PDE1C: variants seen among roughly 807,000 people sequenced by gnomAD.
PDE1C encodes dual specificity calcium/calmodulin-dependent 3',5'-cyclic nucleotide phosphodiesterase 1C.
In PDE1C, 62 loss-of-function variants were observed where a neutral mutation model predicts 93.1. That is an observed-to-expected ratio of 0.67 (90% CI 0.54 to 0.82). The LOEUF is 0.82. Among genes scored for constraint, PDE1C ranks in the 40% least tolerant of loss-of-function variants. PDE1C has a pLI of 0.00. For missense variants in PDE1C, 742 were observed against 884.6 expected (o/e 0.84, Z 2.04); for synonymous variants, 325 against 310.1 (o/e 1.05, Z -0.50).
chr7:31,633,199 T>C, the PDE1C span, among the ~76,000 whole-genome samples: 5 of 152,118 alleles, frequency 3.3e-5, no homozygotes, highest in Non-Finnish European at 7.4e-5. Context: ...CTGGGGAGAT[T>C]TACGCTGAGG....
chr7:32,199,099 G>A (rs901452393), intron 2 of PDE1C, among the ~76,000 whole-genome samples: 2 of 151,646 alleles, frequency 1.3e-5, no homozygotes, highest in African/African-American at 2.4e-5. Context: ...CTCCAGCCTG[G>A]GTGACAAGAG....
chr7:32,298,522 C>G, intron 1 of PDE1C: 1 of 1,159,556 alleles, frequency 8.6e-7, no homozygotes, highest in Non-Finnish European at 1.2e-6. Flanking sequence ...GGGGCTCCCG[C>G]CCGGAGAGCA....
At chr7:32,009,170 T>C (rs6942761) in intron 2 of PDE1C, among the ~76,000 whole-genome samples, 36,663 of 152,126 alleles carry the variant, frequency 0.24, 4,606 homozygotes, top group Non-Finnish European at 0.28. Flanking sequence ...AAGGTTTGCA[T>C]TGGAGATATG....
chr7:32,318,553 A>T (rs215623), intron 1 of PDE1C, among the ~76,000 whole-genome samples: 115,498 of 151,640 alleles, frequency 0.76, 45,518 homozygotes, highest in Admixed American at 0.86. Context: ...GTGGCCAGGG[A>T]CCCAGAAGAA....
intron 1 of PDE1C, among the ~76,000 whole-genome samples, chr7:32,068,138 A>C (rs1179226805): frequency 6.6e-6 from 1 of 152,236 alleles, no homozygotes; most frequent in East Asian, 1.9e-4. Context: ...GTGTCATGGT[A>C]ATATATTGGT....
intron 1 of PDE1C, among the ~76,000 whole-genome samples, chr7:32,379,747 GATA>G (rs1206955259): frequency 6.6e-6 from 1 of 152,198 alleles, no homozygotes; most frequent in Non-Finnish European, 1.5e-5. Flanking sequence ...TCTGGTTTCT[GATA>G]ATAAGTTCAT....
At chr7:32,013,382 T>C (rs568992802) in intron 2 of PDE1C, among the ~76,000 whole-genome samples, 1 of 152,344 alleles carries the variant, frequency 6.6e-6, no homozygotes, top group Admixed American at 6.5e-5. Flanking sequence ...CCATTTTTAC[T>C]TTCTGCAGAA....
intron 1 of PDE1C, among the ~76,000 whole-genome samples, chr7:32,064,225 A>G (rs974550631): frequency 6.6e-6 from 1 of 152,172 alleles, no homozygotes. Flanking sequence ...AGGTCTCTCC[A>G]TGGCTCCATA....
At chr7:32,034,102 A>AAGTGT (rs1790715589) in intron 2 of PDE1C, among the ~76,000 whole-genome samples, 2 of 144,532 alleles carry the variant, frequency 1.4e-5, no homozygotes, top group Middle Eastern at 3.2e-3. Flanking sequence ...GCATAATGTA[A>AAGTGT]AGTGTATTTT....
chr7:31,706,654 A>T, the PDE1C span, among the ~76,000 whole-genome samples: 2 of 152,160 alleles, frequency 1.3e-5, no homozygotes, highest in Non-Finnish European at 2.9e-5. Context: ...TTTAAGTTTG[A>T]CTTCCTGAGG....
chr7:31,795,860 C>T (rs1234179830), intron 16 of PDE1C, among the ~76,000 whole-genome samples: 4 of 151,568 alleles, frequency 2.6e-5, no homozygotes, highest in Admixed American at 6.6e-5. Flanking sequence ...GTTAAAACAT[C>T]ACTGAATTAA....
At chr7:32,413,603 A>T (rs1413342617) in intron 1 of PDE1C, among the ~76,000 whole-genome samples, 3 of 152,212 alleles carry the variant, frequency 2.0e-5, no homozygotes, top group African/African-American at 7.2e-5. Context: ...TTTAATAGGC[A>T]CAGAGTTTCA....
At chr7:31,652,972 C>A in the PDE1C span, 2 of 1,452,222 alleles carry the variant, frequency 1.4e-6, no homozygotes, top group Non-Finnish European at 1.8e-6. Flanking sequence ...TGGTTAAACC[C>A]AAGAGGAGTT....
At chr7:31,666,952 A>C in the PDE1C span, among the ~76,000 whole-genome samples, 3 of 152,210 alleles carry the variant, frequency 2.0e-5, no homozygotes, top group African/African-American at 7.2e-5. Context: ...GGCTCTAGGC[A>C]TAAGGGCTAG....
At chr7:32,089,607 C>T (rs973761968) in intron 3 of PDE1C, among the ~76,000 whole-genome samples, 1 of 152,144 alleles carries the variant, frequency 6.6e-6, no homozygotes. Context: ...CCGCAGTTCT[C>T]GTGATAGGAA....
chr7:32,226,562 G>A (rs1433290168), intron 1 of PDE1C, among the ~76,000 whole-genome samples: 1 of 152,194 alleles, frequency 6.6e-6, no homozygotes, highest in Non-Finnish European at 1.5e-5. Flanking sequence ...CTGGTCAGAG[G>A]GGGGCCCCTG....
At chr7:32,216,416 A>G (rs1806439107) in intron 1 of PDE1C, among the ~76,000 whole-genome samples, 1 of 152,142 alleles carries the variant, frequency 6.6e-6, no homozygotes, top group Non-Finnish European at 1.5e-5. Flanking sequence ...ACAAGCATAG[A>G]TTCTCTGCCA....
rs544902098 is a variant in PDE1C at position 31,873,093 on chromosome 7, G to A, written c.609+199C>T. Reference sequence around the variant, plus strand: ...GGGTCTCTCCTGTCTCTCCCATGCCGCTGAGACCCACCAGCAAGGGCGCAA... The same window carrying A: ...GGGTCTCTCCTGTCTCTCCCATGCCACTGAGACCCACCAGCAAGGGCGCAA... On this transcript the variant is annotated intron_variant, in intron 6 of 17. Transcript: ENST00000396191. Among the ~76,000 whole-genome samples, 97 of 152,204 alleles carry A rather than the reference G, an allele frequency of 6.4e-4. 2 individuals are homozygous for A. In the South Asian group the frequency reaches 6.8e-3, roughly 11 times the overall value.
chr7:32,280,143 G>A (rs893264308), intron 1 of PDE1C, among the ~76,000 whole-genome samples: 32 of 152,064 alleles, frequency 2.1e-4, no homozygotes, highest in African/African-American at 7.7e-4. Context: ...TTAACAATGA[G>A]AATATAATAT....
Sources: gnomAD v4.1 joint callset for allele counts (sites outside exome capture counted in the v4.1 genomes callset) on GRCh38, gnomAD v4.1.1 for gene constraint, MANE v1.5 for transcripts, NCBI Gene and HGNC (gene_info 2026-07-23, HGNC 2026-07-21) for gene names.